The following CMTM7 variants were observed in gnomAD, a reference collection of about 807,000 sequenced individuals.
The protein encoded by CMTM7 is CKLF like MARVEL transmembrane domain containing 7.
Under a neutral mutation model 19.3 loss-of-function variants are expected in CMTM7, and 7 were observed. The observed-to-expected ratio is 0.36, with a 90% CI of 0.21 to 0.68. The LOEUF (loss-of-function observed/expected upper bound fraction) is 0.68, where lower values mean the gene tolerates loss of function less well. Ranked by LOEUF, CMTM7 falls within the 30% of genes least tolerant of loss-of-function variation. CMTM7 has a pLI of 0.60. For missense variants in CMTM7, 193 were observed against 232.6 expected (o/e 0.83, Z 1.11); for synonymous variants, 87 against 99.3 (o/e 0.88, Z 0.74).
At chr3:32,429,703 C>T (rs1475937613) in intron 1 of CMTM7, among the ~76,000 whole-genome samples, 1 of 148,904 alleles carries the variant, frequency 6.7e-6, no homozygotes, top group African/African-American at 2.5e-5. Context: ...CAGGTTGACG[C>T]CATTCTCCTG....
At chr3:32,394,796 A>G (rs765192481) in intron 1 of CMTM7, among the ~76,000 whole-genome samples, 1 of 151,220 alleles carries the variant, frequency 6.6e-6, no homozygotes, top group Non-Finnish European at 1.5e-5. Context: ...CCCGAGTTCA[A>G]TCAAATCTCC....
intron 1 of CMTM7, among the ~76,000 whole-genome samples, chr3:32,422,051 G>T (rs908750906): frequency 6.6e-6 from 1 of 152,142 alleles, no homozygotes; most frequent in African/African-American, 2.4e-5. Context: ...TATTGCTCCT[G>T]TTTGGCCTTC....
intron 4 of CMTM7, among the ~76,000 whole-genome samples, chr3:32,453,259 A>C (rs1696864047): frequency 6.6e-6 from 1 of 152,150 alleles, no homozygotes; most frequent in Non-Finnish European, 1.5e-5. Flanking sequence ...TGAGCAACAT[A>C]GTCAGACTCC....
intron 1 of CMTM7, among the ~76,000 whole-genome samples, chr3:32,439,401 G>A (rs1471850438): frequency 6.6e-6 from 1 of 152,114 alleles, no homozygotes; most frequent in East Asian, 1.9e-4. Context: ...GAAAATAAGA[G>A]CATTTCAGCA....
chr3:32,442,875 C>T (rs762886169), intron 2 of CMTM7, among the ~76,000 whole-genome samples: 2 of 152,118 alleles, frequency 1.3e-5, no homozygotes, highest in Non-Finnish European at 2.9e-5. Context: ...AACTTGAGAA[C>T]ATTTTCATCA....
At chr3:32,424,032 C>A (rs1257251658) in intron 1 of CMTM7, among the ~76,000 whole-genome samples, 1 of 152,150 alleles carries the variant, frequency 6.6e-6, no homozygotes, top group Non-Finnish European at 1.5e-5. Context: ...TGTAAAACAA[C>A]CACTTATTCT....
intron 1 of CMTM7, among the ~76,000 whole-genome samples, chr3:32,427,927 G>T (rs569790248): frequency 6.6e-6 from 1 of 152,306 alleles, no homozygotes; most frequent in South Asian, 2.1e-4. Flanking sequence ...TTAAGTGTCT[G>T]TCATGCCCAT....
chr3:32,416,261 C>T (rs915372770), intron 1 of CMTM7, among the ~76,000 whole-genome samples: 13 of 151,258 alleles, frequency 8.6e-5, no homozygotes, highest in South Asian at 2.1e-4. Flanking sequence ...TGCAATGGTG[C>T]GATCTTGACT....
In CMTM7 at chr3:32,400,738, G is replaced by A. The variant is rs950420483; in HGVS notation, c.159+8673G>A. ...GTTTAGTATGTGGTGCATTTTGTTC[G>A]TCTGCAGTTTGGTTTCTAACAGTGC... On this transcript the variant is annotated intron_variant, in intron 1 of 4. Transcript: ENST00000334983. Among the ~76,000 whole-genome samples the A allele has an allele frequency of 3.9e-5, 6 of 152,140 alleles. No homozygotes were observed. The South Asian group carries it at 6.2e-4, about 16-fold the overall frequency.
At chr3:32,453,049 A>T (rs1333249638) in intron 4 of CMTM7, among the ~76,000 whole-genome samples, 1 of 146,840 alleles carries the variant, frequency 6.8e-6, no homozygotes, top group Non-Finnish European at 1.5e-5. Context: ...GGGATTATAG[A>T]CATGAACCAC....
intron 1 of CMTM7, among the ~76,000 whole-genome samples, chr3:32,434,701 C>A (rs1696571645): frequency 6.7e-6 from 1 of 149,174 alleles, no homozygotes. Flanking sequence ...TGTATAAAAA[C>A]TTTTAACTTT....
chr3:32,437,693 C>A (rs972577445), intron 1 of CMTM7, among the ~76,000 whole-genome samples: 2 of 152,078 alleles, frequency 1.3e-5, no homozygotes, highest in African/African-American at 4.8e-5. Context: ...GAGATCGAGA[C>A]TCTCCTGGCC....
chr3:32,440,037 C>T (rs371603930), intron 1 of CMTM7, among the ~76,000 whole-genome samples: 48 of 151,762 alleles, frequency 3.2e-4, no homozygotes, highest in South Asian at 1.0e-3. Flanking sequence ...TATACCCATA[C>T]GCTAACACAC....
chr3:32,442,259 C>T (rs1170112749), intron 2 of CMTM7, among the ~76,000 whole-genome samples: 1 of 151,620 alleles, frequency 6.6e-6, no homozygotes, highest in Non-Finnish European at 1.5e-5. Context: ...GCTGGTAATC[C>T]CAGCACTTTG....
chr3:32,426,645 TGTC>T (rs1696437645), intron 1 of CMTM7, among the ~76,000 whole-genome samples: 1 of 152,226 alleles, frequency 6.6e-6, no homozygotes, highest in South Asian at 2.1e-4. Context: ...CATAGTATTT[TGTC>T]ATAAGGCTAA....
At position 32,404,142 on chromosome 3, in the gene CMTM7, C is replaced by CTTTTTTTTCTTTTTTTTTT. The variant is rs1559401304; in HGVS notation, c.159+12085_159+12086insCTTTTTTTTTTTTTTTTTT. Among the ~76,000 whole-genome samples the CTTTTTTTTCTTTTTTTTTT allele has an allele frequency of 1.8e-3, 195 of 109,210 alleles. 10 individuals carry two copies. Among genetic ancestry groups the CTTTTTTTTCTTTTTTTTTT allele is most frequent in the Middle Eastern group, 0.01 (2 of 200 alleles). The allele number at this position is 109,210 out of a possible 152,430, so 71.6% of individuals were successfully genotyped here. A position where few individuals can be genotyped will look rare whatever the true frequency, so the allele number is the denominator to read the frequency against. ...CCTTTGTTTAATCTTTTCTTTCTTTCTTTTTTTTTCTTTTTTTTTCTTTTT... is the reference window on the plus strand; with the variant it reads ...CCTTTGTTTAATCTTTTCTTTCTTTCTTTTTTTTCTTTTTTTTTTTTTTTTTTTCTTTTTTTTTCTTTTT... On this transcript the variant is annotated intron_variant, in intron 1 of 4. Transcript: ENST00000334983.
chr3:32,433,056 A>G (rs1696544469), intron 1 of CMTM7, among the ~76,000 whole-genome samples: 1 of 152,192 alleles, frequency 6.6e-6, no homozygotes, highest in South Asian at 2.1e-4. Context: ...GTCAGCCCCA[A>G]AAGAAACCAG....
chr3:32,404,882 C>T (rs1291376806), intron 1 of CMTM7, among the ~76,000 whole-genome samples: 1 of 152,196 alleles, frequency 6.6e-6, no homozygotes, highest in Admixed American at 6.5e-5. Flanking sequence ...AGATTTTCTC[C>T]AGGTGGGCCT....
intron 1 of CMTM7, among the ~76,000 whole-genome samples, chr3:32,429,296 A>ATT (rs35500364): frequency 0.01 from 1,451 of 139,868 alleles, 19 homozygotes; most frequent in South Asian, 0.016. Flanking sequence ...TGAGTAGTGT[A>ATT]TTTTTTTTTT....
Sources: allele counts gnomAD v4.1 joint callset (sites outside exome capture counted in the v4.1 genomes callset), GRCh38; gene constraint gnomAD v4.1.1; transcripts MANE v1.5; gene names NCBI Gene and HGNC (gene_info 2026-07-23, HGNC 2026-07-21).